ANK3: variants seen among roughly 807,000 people sequenced by gnomAD.
ANK3 encodes ankyrin 3.
A neutral mutation model predicts 370.9 loss-of-function variants in ANK3; 57 were observed. The ratio of observed to expected loss-of-function variants is 0.15; its 90% CI spans 0.12 to 0.19. The LOEUF (loss-of-function observed/expected upper bound fraction) is 0.19, where lower values mean the gene tolerates loss of function less well. Ranked by LOEUF, ANK3 falls within the 10% of genes least tolerant of loss-of-function variation. The pLI is 1.00. For synonymous variants in ANK3, 1,929 were observed against 1,946.3 expected, an observed-to-expected ratio of 0.99 and a Z score of 0.23; for missense variants, 4,439 against 5,302.1, an observed-to-expected ratio of 0.84 and a Z score of 5.06.
At chr10:60,565,451 A>G (rs75039283) in intron 2 of ANK3, among the ~76,000 whole-genome samples, 2,608 of 152,304 alleles carry the variant, frequency 0.017, 25 homozygotes, top group Non-Finnish European at 0.029. Context: ...TCCACGTCAC[A>G]GGGGTTGGGG....
intron 1 of ANK3, among the ~76,000 whole-genome samples, chr10:60,677,629 G>T (rs980566133): frequency 5.9e-5 from 9 of 152,062 alleles, no homozygotes; most frequent in Non-Finnish European, 1.0e-4. Context: ...ATGTGCAGAT[G>T]GTTATGGAAG....
intron 1 of ANK3, chr10:60,684,752 T>C: frequency 1.3e-6 from 2 of 1,573,600 alleles, no homozygotes; most frequent in Admixed American, 3.4e-5. Flanking sequence ...GAGAAATTAA[T>C]GCCACTATGG....
chr10:60,580,730 C>A (rs1004120169), intron 2 of ANK3, among the ~76,000 whole-genome samples: 3 of 152,034 alleles, frequency 2.0e-5, no homozygotes, highest in Admixed American at 6.5e-5. Flanking sequence ...CTTTGACTTA[C>A]AAACTAAAGA....
At chr10:60,498,189 G>A (rs1340064430) in intron 2 of ANK3, among the ~76,000 whole-genome samples, 1 of 152,038 alleles carries the variant, frequency 6.6e-6, no homozygotes, top group Non-Finnish European at 1.5e-5. Flanking sequence ...TAGAACAACT[G>A]TTCTTCACAT....
chr10:60,432,021 C>T (rs1256685429), intron 2 of ANK3, among the ~76,000 whole-genome samples: 1 of 152,102 alleles, frequency 6.6e-6, no homozygotes, highest in Non-Finnish European at 1.5e-5. Context: ...TCAAAGAAGC[C>T]TAAAATGTGT....
rs2086818818 is a variant in ANK3 at position 60,086,918 on chromosome 10, AC to A, written c.3541-35del. On this transcript the variant is annotated intron_variant, in intron 29 of 43. Coordinates refer to ENST00000280772, the MANE Select transcript of ANK3 (RefSeq NM_020987.5). The stretch of plus-strand genomic sequence containing the variant: ...AGAGAAAGGACTTTAAATGAAAGTG[AC>A]TTTTTTTTTTTTTTTTCCCAATCAT... The A allele has an allele frequency of 8.8e-6, 11 of 1,244,402 alleles. No homozygotes were observed. The East Asian group carries it at 2.8e-4, about 32-fold the overall frequency. The allele number at this position is 1,244,402 out of a possible 1,614,324, so 77.1% of individuals were successfully genotyped here.
At chr10:60,281,412 G>A (rs1224066574) in intron 1 of ANK3, among the ~76,000 whole-genome samples, 1 of 152,184 alleles carries the variant, frequency 6.6e-6, no homozygotes, top group Non-Finnish European at 1.5e-5. Context: ...ATGTCCCTTG[G>A]GGGAGGGGGC....
At chr10:60,081,518 T>C (rs773502904) in intron 35 of ANK3, 6 of 440,872 alleles carry the variant, frequency 1.4e-5, no homozygotes, top group South Asian at 9.7e-5. Flanking sequence ...AATTGAACTA[T>C]ATTCTTAAAA....
At chr10:60,575,533 T>C (rs553207510) in intron 2 of ANK3, among the ~76,000 whole-genome samples, 3 of 152,182 alleles carry the variant, frequency 2.0e-5, no homozygotes, top group Non-Finnish European at 4.4e-5. Context: ...ATTATTTAGA[T>C]AGCAAAATGT....
chr10:60,240,270 A>G (rs1314231975), intron 7 of ANK3, among the ~76,000 whole-genome samples: 2 of 122,778 alleles, frequency 1.6e-5, no homozygotes, highest in Non-Finnish European at 3.3e-5. Flanking sequence ...ACACATATAT[A>G]TACACACACA....
chr10:60,633,771 C>A (rs994323400), intron 1 of ANK3, among the ~76,000 whole-genome samples: 2 of 152,128 alleles, frequency 1.3e-5, no homozygotes, highest in East Asian at 1.9e-4. Flanking sequence ...ATTGGCAGAG[C>A]AATTTCCTAA....
At chr10:60,497,019 AGGCTG>A (rs1327018101) in intron 2 of ANK3, among the ~76,000 whole-genome samples, 1 of 152,196 alleles carries the variant, frequency 6.6e-6, no homozygotes, top group Non-Finnish European at 1.5e-5. Context: ...AAACAAAAAC[AGGCTG>A]GGTGTAATGG....
At chr10:60,182,917 C>T (rs897736727) in intron 17 of ANK3, among the ~76,000 whole-genome samples, 6 of 152,168 alleles carry the variant, frequency 3.9e-5, no homozygotes, top group Admixed American at 6.5e-5. Context: ...AACCATGTTC[C>T]GTGTTCTCCT....
chr10:60,048,005 T>C (rs1017547895), intron 42 of ANK3, among the ~76,000 whole-genome samples: 1 of 152,158 alleles, frequency 6.6e-6, no homozygotes, highest in African/African-American at 2.4e-5. Flanking sequence ...AGGTTAAAAC[T>C]TCATAGAAAA....
At chr10:60,679,692 G>A (rs574209377) in intron 1 of ANK3, among the ~76,000 whole-genome samples, 5 of 152,212 alleles carry the variant, frequency 3.3e-5, no homozygotes, top group East Asian at 1.9e-4. Context: ...TGCAAACCTC[G>A]GAACCATGCC....
intron 1 of ANK3, among the ~76,000 whole-genome samples, chr10:60,718,777 G>A (rs986650418): frequency 6.6e-6 from 1 of 152,126 alleles, no homozygotes; most frequent in Non-Finnish European, 1.5e-5. Flanking sequence ...CCATTTTAGA[G>A]AGTGGAATTC....
chr10:60,457,009 A>G (rs1431711528), intron 2 of ANK3, among the ~76,000 whole-genome samples: 1 of 152,102 alleles, frequency 6.6e-6, no homozygotes. Flanking sequence ...CTTCTGGCCA[A>G]AAGGTCAAAC....
At chr10:60,300,567 A>G in intron 1 of ANK3, 1 of 1,176,626 alleles carries the variant, frequency 8.5e-7, no homozygotes, top group African/African-American at 1.6e-5. Flanking sequence ...CCTTATAAAC[A>G]GCATAGTACC....
chr10:60,204,896 G>A (rs1181140559), intron 11 of ANK3, among the ~76,000 whole-genome samples: 3 of 152,176 alleles, frequency 2.0e-5, no homozygotes, highest in Non-Finnish European at 4.4e-5. Flanking sequence ...AGGTGGCCCA[G>A]ATCTGGTTCT....
Sources: gnomAD v4.1 joint callset for allele counts (sites outside exome capture counted in the v4.1 genomes callset) on GRCh38, gnomAD v4.1.1 for gene constraint, MANE v1.5 for transcripts, NCBI Gene and HGNC (gene_info 2026-07-23, HGNC 2026-07-21) for gene names.